The following INSL6 variants were observed in gnomAD, a reference collection of about 807,000 sequenced individuals.
INSL6 encodes the protein insulin like 6.
A neutral mutation model predicts 9.4 loss-of-function variants in INSL6; 16 were observed. The observed-to-expected ratio is 1.70, with a 90% CI of 1.15 to 2.59. The LOEUF is 2.59. INSL6 is among the 30% of genes most tolerant of loss of function. The pLI is 0.00. For missense variants in INSL6, 391 were observed against 257.3 expected (o/e 1.52, Z -3.56); for synonymous variants, 154 against 96.9 (o/e 1.59, Z -3.46).
At chr9:5,089,365 T>C in the INSL6 span, among the ~76,000 whole-genome samples, 23 of 151,978 alleles carry the variant, frequency 1.5e-4, no homozygotes, top group Admixed American at 7.9e-4. Context: ...AGCGAAACCC[T>C]GTCTCTACTA....
the INSL6 span, chr9:5,112,843 C>T: frequency 1.8e-6 from 1 of 550,784 alleles, no homozygotes. Flanking sequence ...CCGCTGGGCA[C>T]GTGTGAAAGG....
the INSL6 span, among the ~76,000 whole-genome samples, chr9:5,047,512 A>G: frequency 1.6e-4 from 24 of 152,300 alleles, no homozygotes; most frequent in Middle Eastern, 3.4e-3. Context: ...TTCAACAACA[A>G]TTGGATGTTT....
chr9:5,093,352 G>A, the INSL6 span, among the ~76,000 whole-genome samples: 25 of 152,080 alleles, frequency 1.6e-4, no homozygotes, highest in African/African-American at 5.1e-4. Flanking sequence ...TATGTTCAAC[G>A]ACCACCATAT....
chr9:5,074,249 A>G, the INSL6 span, among the ~76,000 whole-genome samples: 3 of 152,184 alleles, frequency 2.0e-5, no homozygotes, highest in Non-Finnish European at 2.9e-5. Context: ...AAACTACTAA[A>G]AGTATAAATC....
At chr9:5,168,367 T>A (rs547100856) in intron 1 of INSL6, among the ~76,000 whole-genome samples, 1 of 151,938 alleles carries the variant, frequency 6.6e-6, no homozygotes, top group South Asian at 2.1e-4. Context: ...ATAACCAGTT[T>A]AGAGAGGAAG....
chr9:5,018,301 A>G, the INSL6 span, among the ~76,000 whole-genome samples: 28 of 151,900 alleles, frequency 1.8e-4, no homozygotes, highest in African/African-American at 6.3e-4. Context: ...TCTGTTTTTC[A>G]TAATGGTAGT....
chr9:5,185,185 C>T, intron 1 of INSL6, 129 bp downstream of exon 1: 1 of 1,181,444 alleles, frequency 8.5e-7, no homozygotes, highest in African/African-American at 1.5e-5. Context: ...CTGTTTTTTA[C>T]AATTTTTTAA....
chr9:5,159,300 C>G (rs971001028), downstream of INSL6, among the ~76,000 whole-genome samples: 2 of 150,756 alleles, frequency 1.3e-5, no homozygotes, highest in Non-Finnish European at 3.0e-5. Context: ...TTGTCAATAA[C>G]AAAATTGAAT....
chr9:5,073,193 T>C, the INSL6 span, among the ~76,000 whole-genome samples: 1 of 152,258 alleles, frequency 6.6e-6, no homozygotes, highest in Non-Finnish European at 1.5e-5. Flanking sequence ...ACAGTATTGG[T>C]GATTGTGATT....
At chr9:5,127,555 T>C in intron 3 of INSL6, 1 of 231,352 alleles carries the variant, frequency 4.3e-6, no homozygotes, top group East Asian at 6.1e-5. Context: ...TTGTGGTGAA[T>C]GTGTTTTTTA....
chr9:5,054,470 T>C, the INSL6 span: 3 of 1,071,362 alleles, frequency 2.8e-6, no homozygotes, highest in Non-Finnish European at 4.1e-6. This position sits in a 1 kb window ranked among gnomAD's most constrained non-coding sequence, Gnocchi z 4.9. Context: ...TACTTAATCA[T>C]GGAAAAAGGT....
At chr9:5,167,337 A>T (rs1321689021) in intron 1 of INSL6, among the ~76,000 whole-genome samples, 4 of 152,214 alleles carry the variant, frequency 2.6e-5, no homozygotes, top group African/African-American at 9.6e-5. Flanking sequence ...GTGGCTGCTG[A>T]GGTGGGTGGC....
At chr9:5,064,868 C>A in the INSL6 span, 1 of 1,506,024 alleles carries the variant, frequency 6.6e-7, no homozygotes, top group Admixed American at 2.2e-5. Flanking sequence ...ATTTCTTTTT[C>A]TTTTCTCTGC....
chr9:5,042,169 C>T, the INSL6 span, among the ~76,000 whole-genome samples: 4 of 127,916 alleles, frequency 3.1e-5, no homozygotes, highest in African/African-American at 9.0e-5. Context: ...CTCGCTTTGT[C>T]GCCCAGGCCG....
the INSL6 span, among the ~76,000 whole-genome samples, chr9:5,106,888 G>GGGGC: frequency 1.3e-5 from 2 of 152,050 alleles, no homozygotes; most frequent in Non-Finnish European, 2.9e-5. Context: ...ATCACACAAA[G>GGGGC]GGGCCCGGGG....
At chr9:5,161,429 C>G (rs1431907851), downstream of INSL6, among the ~76,000 whole-genome samples, 1 of 152,168 alleles carries the variant, frequency 6.6e-6, no homozygotes, top group Non-Finnish European at 1.5e-5. Context: ...GAACATACCT[C>G]AACATAATGA....
the INSL6 span, among the ~76,000 whole-genome samples, chr9:5,058,883 GTT>G: frequency 6.6e-6 from 1 of 151,414 alleles, no homozygotes; most frequent in African/African-American, 2.4e-5. Flanking sequence ...TTTTAATCAG[GTT>G]TTTTTTGCTG....
At chr9:5,077,528 T>C in the INSL6 span, 3 of 1,482,642 alleles carry the variant, frequency 2.0e-6, no homozygotes, top group African/African-American at 1.5e-5. Flanking sequence ...TGTATAAATA[T>C]ATTATGGAAA....
At chr9:4,992,475 C>T in the INSL6 span, among the ~76,000 whole-genome samples, 5 of 152,092 alleles carry the variant, frequency 3.3e-5, no homozygotes, top group African/African-American at 1.2e-4. Context: ...AGTGTTATGG[C>T]CATCTTTGGA....
Sources: allele counts gnomAD v4.1 joint callset (sites outside exome capture counted in the v4.1 genomes callset), GRCh38; gene constraint gnomAD v4.1.1; non-coding constraint Gnocchi (gnomAD v3.1); transcripts MANE v1.5; gene names NCBI Gene and HGNC (gene_info 2026-07-23, HGNC 2026-07-21).